Variants in TSPAN7 observed in about 807,000 individuals in gnomAD.
TSPAN7 encodes tetraspanin 7.
TSPAN7 carries 1 observed loss-of-function variant against 17.6 expected under a neutral mutation model. The ratio of observed to expected loss-of-function variants is 0.06; its 90% CI spans 0.02 to 0.27. The LOEUF is 0.27. TSPAN7 is among the 10% of genes least tolerant of loss of function. TSPAN7 has a pLI of 1.00. For missense variants in TSPAN7, 112 were observed against 201.7 expected (o/e 0.56, Z 2.69); for synonymous variants, 78 against 79.0 (o/e 0.99, Z 0.07).
chrX:38,622,458 G>A, intron 1 of TSPAN7, among the ~76,000 whole-genome samples: 2 of 112,370 alleles, frequency 1.8e-5, no homozygotes, highest in Middle Eastern at 9.1e-3. Context: ...TGAGTTGGGA[G>A]CGTCGCTTGA....
chrX:38,609,630 G>GTA (rs1189794404), intron 1 of TSPAN7, among the ~76,000 whole-genome samples: 3 of 107,108 alleles, frequency 2.8e-5, no homozygotes, highest in Admixed American at 2.0e-4. Context: ...ATGTGTGTGT[G>GTA]TATATATATA....
In TSPAN7 at chrX:38,583,925, A is replaced by AT. The variant is rs1255264241; in HGVS notation, c.81+22307dup. Reference sequence around the variant, plus strand: ...TTTAGCATGAAGAAACATAAACCTGATTTTTTTTTCTTTTTTTTCTTTTCT... The same window carrying AT: ...TTTAGCATGAAGAAACATAAACCTGATTTTTTTTTTCTTTTTTTTCTTTTCT... On this transcript the variant is annotated intron_variant, in intron 1 of 7. Coordinates refer to ENST00000378482, the MANE Select transcript of TSPAN7 (RefSeq NM_004615.4). Among the ~76,000 whole-genome samples, 346 of 67,965 alleles carry AT rather than the reference A, an allele frequency of 5.1e-3. 8 individuals carry two copies. The highest frequency in any genetic ancestry group is 0.018 in the African/African-American group (331 of 18,424). The allele number at this position is 67,965 out of a possible 115,157, so 59.0% of individuals were successfully genotyped here.
intron 1 of TSPAN7, among the ~76,000 whole-genome samples, chrX:38,618,812 G>T (rs957834554): frequency 9.0e-6 from 1 of 111,587 alleles, no homozygotes; most frequent in Non-Finnish European, 1.9e-5. Context: ...GCTGTATGGG[G>T]TTGGGAGTTG....
intron 6 of TSPAN7, among the ~76,000 whole-genome samples, chrX:38,686,395 A>G (rs1190244402): frequency 8.9e-6 from 1 of 112,089 alleles, no homozygotes; most frequent in East Asian, 2.8e-4. Flanking sequence ...CACCTATAAG[A>G]TAAGGGTGAC....
At position 38,564,282 on chromosome X, in the gene TSPAN7, C is replaced by T. The variant is rs5963070; in HGVS notation, c.81+2655C>T. ...CTGTTTTTTTCACTCAGCATAATTACTTCAAGGTTCATCCATGTTGTAGTG... is the reference window on the plus strand; with the variant it reads ...CTGTTTTTTTCACTCAGCATAATTATTTCAAGGTTCATCCATGTTGTAGTG... On this transcript the variant is annotated intron_variant, in intron 1 of 7. Transcript: ENST00000378482. Among the ~76,000 whole-genome samples the T allele has an allele frequency of 9.7e-3, 1,085 of 111,505 alleles. 12 individuals carry two copies. The highest frequency in any genetic ancestry group is 0.033 in the African/African-American group (1,020 of 30,635).
At chrX:38,563,093 G>A in intron 1 of TSPAN7, 4 of 971,150 alleles carry the variant, frequency 4.1e-6, no homozygotes, top group East Asian at 7.5e-5. Context: ...TAATGCACCC[G>A]GACATTTCCT....
chrX:38,631,641 G>A (rs1462328870), intron 1 of TSPAN7, among the ~76,000 whole-genome samples: 1 of 111,564 alleles, frequency 9.0e-6, no homozygotes, highest in Non-Finnish European at 1.9e-5. Context: ...GGTTTTCTGG[G>A]AATGCACATG....
chrX:38,674,365 T>C, intron 4 of TSPAN7, 49 bp downstream of exon 4: 1 of 1,051,836 alleles, frequency 9.5e-7, no homozygotes, highest in Non-Finnish European at 1.3e-6. Context: ...AAGTCTAGGC[T>C]TAGACTTATG....
chrX:38,568,966 G>A (rs1015827902), intron 1 of TSPAN7, among the ~76,000 whole-genome samples: 1 of 111,070 alleles, frequency 9.0e-6, no homozygotes, highest in African/African-American at 3.3e-5. Flanking sequence ...TTTGTTTCAT[G>A]AGTGTAATAT....
intron 1 of TSPAN7, among the ~76,000 whole-genome samples, chrX:38,626,088 G>A (rs1318528172): frequency 1.8e-5 from 2 of 112,239 alleles, no homozygotes; most frequent in Non-Finnish European, 3.8e-5. Context: ...GGCAAGCTTT[G>A]AATAAATGAT....
intron 1 of TSPAN7, among the ~76,000 whole-genome samples, chrX:38,651,050 C>CATATATATATATATATATATAT (rs34201318): frequency 1.8e-3 from 174 of 98,071 alleles, no homozygotes; most frequent in African/African-American, 6.5e-3. Flanking sequence ...AATGTGATTA[C>CATATATATATATATATATATAT]ATATATATAT....
intron 5 of TSPAN7, among the ~76,000 whole-genome samples, chrX:38,678,896 G>T (rs1214352682): frequency 9.0e-6 from 1 of 111,690 alleles, no homozygotes; most frequent in Non-Finnish European, 1.9e-5. Flanking sequence ...TATGTCAAAA[G>T]CAATAACCCA....
chrX:38,616,799 T>C lies in TSPAN7; in HGVS notation c.82-49322T>C, dbSNP rs1437165412. On this transcript the variant is annotated intron_variant, in intron 1 of 7. Coordinates refer to ENST00000378482, the MANE Select transcript of TSPAN7 (RefSeq NM_004615.4). ...AGTGTATTTTTCCTCAGAGCCACTCTATGCAATTTCCTTGAGCCCCTATGA... is the reference window on the plus strand; with the variant it reads ...AGTGTATTTTTCCTCAGAGCCACTCCATGCAATTTCCTTGAGCCCCTATGA... Among the ~76,000 whole-genome samples, 7 of 111,547 alleles carry C rather than the reference T, an allele frequency of 6.3e-5. No individual in the cohort carries two copies. In the Admixed American group the frequency reaches 6.6e-4, roughly 11 times the overall value.
chrX:38,597,394 G>A (rs924904379), intron 1 of TSPAN7, among the ~76,000 whole-genome samples: 1 of 110,876 alleles, frequency 9.0e-6, no homozygotes, highest in Non-Finnish European at 1.9e-5. Flanking sequence ...TGTTTAAGGT[G>A]GTCTTTAACT....
intron 1 of TSPAN7, among the ~76,000 whole-genome samples, chrX:38,583,949 CTTTTTT>C (rs34777484): frequency 1.5e-5 from 1 of 66,974 alleles, no homozygotes; most frequent in African/African-American, 6.1e-5. Context: ...TTTTTCTTTT[CTTTTTT>C]TTTTTTTTTT....
intron 1 of TSPAN7, among the ~76,000 whole-genome samples, chrX:38,565,153 G>A (rs2069135382): frequency 8.9e-6 from 1 of 111,911 alleles, no homozygotes; most frequent in Non-Finnish European, 1.9e-5. Context: ...CACATAGTAG[G>A]TACTCAAATA....
rs182054083 is a variant in TSPAN7 at position 38,613,948 on chromosome X, A to T, written c.82-52173A>T. On this transcript the variant is annotated intron_variant, in intron 1 of 7. Coordinates refer to ENST00000378482, the MANE Select transcript of TSPAN7 (RefSeq NM_004615.4). ...TCAGAGGAGCCCTGTGCCCATTTTC[A>T]GCTTTGGTCACTGCTGGTTTGAGGT... Among the ~76,000 whole-genome samples the T allele has an allele frequency of 4.0e-3, 410 of 103,157 alleles. 5 individuals are homozygous for T. Among genetic ancestry groups the T allele is most frequent in the African/African-American group, 0.014 (399 of 28,461 alleles). The allele number at this position is 103,157 out of a possible 115,157, so 89.6% of individuals were successfully genotyped here.
At chrX:38,678,964 C>A (rs2069872510) in intron 5 of TSPAN7, among the ~76,000 whole-genome samples, 1 of 111,763 alleles carries the variant, frequency 8.9e-6, no homozygotes, top group Non-Finnish European at 1.9e-5. Flanking sequence ...TTCTGCATTT[C>A]TAACAAGCTC....
intron 6 of TSPAN7, among the ~76,000 whole-genome samples, chrX:38,685,488 C>T (rs760644383): frequency 2.7e-5 from 3 of 111,073 alleles, no homozygotes; most frequent in South Asian, 3.8e-4. Context: ...AATGTGGTGG[C>T]GCACAAATGT....
Sources: gnomAD v4.1 joint callset for allele counts (sites outside exome capture counted in the v4.1 genomes callset) on GRCh38, gnomAD v4.1.1 for gene constraint, MANE v1.5 for transcripts, NCBI Gene and HGNC (gene_info 2026-07-23, HGNC 2026-07-21) for gene names.